Variants in KCTD16 observed in about 807,000 individuals in gnomAD.
KCTD16 encodes the protein potassium channel tetramerization domain containing 16.
In KCTD16, 13 loss-of-function variants were observed where a neutral mutation model predicts 33.2. That is an observed-to-expected ratio of 0.39 (90% CI 0.25 to 0.62). The LOEUF (loss-of-function observed/expected upper bound fraction) is 0.62, where lower values mean the gene tolerates loss of function less well. Ranked by LOEUF, KCTD16 falls within the 20% of genes least tolerant of loss-of-function variation. The pLI is 0.50. For missense variants in KCTD16, 441 were observed against 525.1 expected (o/e 0.84, Z 1.57); for synonymous variants, 197 against 195.3 (o/e 1.01, Z -0.07).
At chr5:144,366,490 T>C (rs992619606) in intron 3 of KCTD16, among the ~76,000 whole-genome samples, 2 of 152,088 alleles carry the variant, frequency 1.3e-5, no homozygotes, top group African/African-American at 2.4e-5. Context: ...TCTAAGATAG[T>C]GAATTGGGAG....
In KCTD16 at chr5:144,251,215, A is replaced by G. The variant is rs112485569; in HGVS notation, c.832+43669A>G. ...AGAATTTTAGCTTATCAAGCTAAAA[A>G]GTCTGCATGTAACAGATACAGAAAG... On this transcript the variant is annotated intron_variant, in intron 3 of 3. Transcript: ENST00000512467. Among the ~76,000 whole-genome samples, 73 of 152,188 alleles carry G rather than the reference A, an allele frequency of 4.8e-4. 1 individual carries two copies.
chr5:144,385,962 TAGAG>T (rs1185196845), intron 3 of KCTD16, among the ~76,000 whole-genome samples: 1 of 152,178 alleles, frequency 6.6e-6, no homozygotes, highest in Non-Finnish European at 1.5e-5. Context: ...ATATTCATGG[TAGAG>T]AGTGAGGCTG....
chr5:144,305,782 C>CT (rs1393530291), intron 3 of KCTD16, among the ~76,000 whole-genome samples: 1 of 151,656 alleles, frequency 6.6e-6, no homozygotes. Flanking sequence ...CCACTGCACC[C>CT]CAGCCTGGAG....
At position 144,207,254 on chromosome 5, in the gene KCTD16, A is replaced by G; in HGVS notation, c.540A>G (p.Gly180=). 1.2e-6 allele frequency: 2 copies of G among 1,614,200 alleles called. No homozygotes were observed. Among genetic ancestry groups the G allele is most frequent in the African/African-American group, 1.3e-5 (1 of 75,054 alleles). The change falls in exon 3 of 4, where the codon GGA becomes GGG. Residue 180 remains glycine, a synonymous_variant. Coordinates refer to ENST00000512467, the MANE Select transcript of KCTD16 (RefSeq NM_020768.4). ...YRGSCTLGRE[G]QADAKFRRVP... is the part of the protein sequence containing the mutation. ...GATCCTGCACCTTGGGCAGAGAGGG[A>G]CAGGCAGATGCCAAGTTTCGGAGAG...
intron 3 of KCTD16, among the ~76,000 whole-genome samples, chr5:144,309,143 G>A (rs1431707947): frequency 6.6e-6 from 1 of 152,106 alleles, no homozygotes; most frequent in East Asian, 1.9e-4. Flanking sequence ...AAACCAATTA[G>A]CAGTGAGAAG....
chr5:144,343,812 T>C lies in KCTD16; in HGVS notation c.833-129848T>C, dbSNP rs546437334. ...TCTCATTGGTTTCAAAGAACATCTTTATTTCTGCCTTCATTTCGTTATGTA... is the reference window on the plus strand; with the variant it reads ...TCTCATTGGTTTCAAAGAACATCTTCATTTCTGCCTTCATTTCGTTATGTA... On this transcript the variant is annotated intron_variant, in intron 3 of 3. Coordinates refer to ENST00000512467, the MANE Select transcript of KCTD16 (RefSeq NM_020768.4). Among the ~76,000 whole-genome samples, 7 of 152,334 alleles carry C rather than the reference T, an allele frequency of 4.6e-5. No homozygotes were observed. The East Asian group carries it at 1.3e-3, about 29-fold the overall frequency.
chr5:144,395,932 T>C (rs1288520466), intron 3 of KCTD16, among the ~76,000 whole-genome samples: 2 of 152,244 alleles, frequency 1.3e-5, no homozygotes, highest in African/African-American at 4.8e-5. Context: ...GTAGTTTCAT[T>C]GGAACACAGT....
intron 2 of KCTD16, among the ~76,000 whole-genome samples, chr5:144,188,241 C>T (rs553551613): frequency 2.6e-5 from 4 of 152,136 alleles, no homozygotes; most frequent in Non-Finnish European, 5.9e-5. Flanking sequence ...TCCTTTGGTA[C>T]TTACAAAAAG....
At chr5:144,407,150 G>A (rs574286943) in intron 3 of KCTD16, among the ~76,000 whole-genome samples, 31 of 151,268 alleles carry the variant, frequency 2.0e-4, no homozygotes, top group Non-Finnish European at 3.4e-4. Context: ...AATTATGTGT[G>A]TAGCCTTATC....
intron 3 of KCTD16, among the ~76,000 whole-genome samples, chr5:144,452,495 C>T (rs943010156): frequency 2.0e-5 from 3 of 151,456 alleles, no homozygotes; most frequent in African/African-American, 7.3e-5. Flanking sequence ...GAGCAAGAGA[C>T]AGGTGAGAGG....
intron 3 of KCTD16, among the ~76,000 whole-genome samples, chr5:144,314,030 A>G (rs1751840972): frequency 2.0e-5 from 3 of 152,176 alleles, no homozygotes; most frequent in African/African-American, 7.2e-5. Context: ...TAACTAGTGG[A>G]TTTGACTTAG....
intron 3 of KCTD16, among the ~76,000 whole-genome samples, chr5:144,232,651 T>G (rs1462673684): frequency 1.3e-5 from 2 of 152,186 alleles, no homozygotes; most frequent in Non-Finnish European, 2.9e-5. Context: ...TTCCCTAAGG[T>G]AGATTCTGCA....
intron 3 of KCTD16, among the ~76,000 whole-genome samples, chr5:144,472,273 C>T (rs962999598): frequency 6.6e-6 from 1 of 152,142 alleles, no homozygotes; most frequent in Non-Finnish European, 1.5e-5. Context: ...GCATGTAATA[C>T]ATGATCGGTA....
At chr5:144,189,319 C>T (rs1172334723) in intron 2 of KCTD16, among the ~76,000 whole-genome samples, 2 of 151,798 alleles carry the variant, frequency 1.3e-5, no homozygotes, top group East Asian at 3.9e-4. Context: ...GGTGAAACCC[C>T]GACTCTACTA....
chr5:144,197,678 C>T (rs1752964555), intron 2 of KCTD16, among the ~76,000 whole-genome samples: 1 of 152,102 alleles, frequency 6.6e-6, no homozygotes, highest in African/African-American at 2.4e-5. Context: ...AAACTATATG[C>T]CCAAATAATT....
intron 3 of KCTD16, among the ~76,000 whole-genome samples, chr5:144,307,885 A>G (rs536603625): frequency 1.3e-5 from 2 of 152,340 alleles, no homozygotes; most frequent in African/African-American, 4.8e-5. Context: ...GTCATTAGGG[A>G]TCAAGGTACA....
chr5:144,391,506 G>C (rs942622727), intron 3 of KCTD16, among the ~76,000 whole-genome samples: 7 of 152,162 alleles, frequency 4.6e-5, no homozygotes, highest in Non-Finnish European at 1.0e-4. Context: ...TTCCAGGGCT[G>C]ACCTTCTTGA....
intron 2 of KCTD16, among the ~76,000 whole-genome samples, chr5:144,190,588 A>G (rs1391911357): frequency 6.6e-6 from 1 of 152,184 alleles, no homozygotes; most frequent in East Asian, 1.9e-4. Flanking sequence ...TTTCTTTACT[A>G]TAGTTCACCT....
At chr5:144,398,434 C>T (rs183233485) in intron 3 of KCTD16, among the ~76,000 whole-genome samples, 4 of 152,218 alleles carry the variant, frequency 2.6e-5, no homozygotes, top group Non-Finnish European at 4.4e-5. Context: ...TTTAAGCCAA[C>T]ATGATTATGA....
Sources: gnomAD v4.1 joint callset for allele counts (sites outside exome capture counted in the v4.1 genomes callset) on GRCh38, gnomAD v4.1.1 for gene constraint, MANE v1.5 for transcripts, NCBI Gene and HGNC (gene_info 2026-07-23, HGNC 2026-07-21) for gene names.